CHEK1: variants seen among roughly 807,000 people sequenced by gnomAD.
The protein encoded by CHEK1 is serine/threonine-protein kinase Chk1.
In CHEK1, 32 loss-of-function variants were observed where a neutral mutation model predicts 60.2. That is an observed-to-expected ratio of 0.53 (90% CI 0.40 to 0.71). The LOEUF is 0.71. Ranked by LOEUF, CHEK1 falls within the 30% of genes least tolerant of loss-of-function variation. CHEK1 has a pLI of 0.00. For missense variants in CHEK1, 399 were observed against 564.6 expected, an observed-to-expected ratio of 0.71 and a Z score of 2.97; for synonymous variants, 179 against 187.2, an observed-to-expected ratio of 0.96 and a Z score of 0.36.
At chr11:125,680,705 C>T, downstream of CHEK1, 5 of 1,607,944 alleles carry the variant, frequency 3.1e-6, no homozygotes, top group Non-Finnish European at 4.3e-6. Flanking sequence ...TTGTATTTAC[C>T]TGAAGCCTAG....
chr11:125,641,842 T>C (rs1033418493), intron 8 of CHEK1, among the ~76,000 whole-genome samples: 72 of 152,234 alleles, frequency 4.7e-4, no homozygotes, highest in African/African-American at 1.7e-3. Flanking sequence ...TACCATGATA[T>C]CTTTCCAAAA....
At chr11:125,661,628 A>T (rs1186307268), downstream of CHEK1, among the ~76,000 whole-genome samples, 3 of 151,966 alleles carry the variant, frequency 2.0e-5, no homozygotes, top group South Asian at 2.1e-4. Flanking sequence ...AGTATTTTTT[A>T]AAAATCACTG....
chr11:125,659,288 T>C (rs1941972464), downstream of CHEK1, among the ~76,000 whole-genome samples: 1 of 152,182 alleles, frequency 6.6e-6, no homozygotes. Context: ...TCCCTTTTTT[T>C]TCTCTTGCAG....
At chr11:125,663,613 T>C (rs1942053569) in intron 13 of CHEK1, among the ~76,000 whole-genome samples, 2 of 152,172 alleles carry the variant, frequency 1.3e-5, no homozygotes, top group South Asian at 4.1e-4. Context: ...TTTCCATAGA[T>C]TGTCTCTTTA....
chr11:125,632,628 AT>A (rs375595038), intron 5 of CHEK1, among the ~76,000 whole-genome samples: 11 of 149,344 alleles, frequency 7.4e-5, no homozygotes, highest in Non-Finnish European at 1.2e-4. Flanking sequence ...GTCTTCTGAT[AT>A]TTTTTTTTTG....
rs867555391 is a variant in CHEK1 at position 125,656,267 on chromosome 11, C to T, written c.*947C>T. ...TTAGGAGGCTGAGAGAGGAGGATCG[C>T]GTGAACCTGGAAGTTTGAGGCTGTA... On this transcript the variant is annotated 3_prime_UTR_variant, in exon 13 of 13. Transcript: ENST00000438015. 8.8e-4 allele frequency: 188 copies of T among 213,300 alleles called. No homozygotes were observed. The highest frequency in any genetic ancestry group is 3.0e-3 in the Middle Eastern group (2 of 668). 13.2% of individuals were successfully genotyped at this position (213,300 alleles called of 1,614,324 possible).
chr11:125,637,372 A>G (rs1370729950), intron 7 of CHEK1, 77 bp from the exon 8 acceptor site: 2 of 1,093,684 alleles, frequency 1.8e-6, no homozygotes, highest in East Asian at 5.1e-5. Flanking sequence ...GCTAACAGAA[A>G]ATGTGTTTCT....
intron 13 of CHEK1, among the ~76,000 whole-genome samples, chr11:125,662,471 A>G (rs1942034888): frequency 6.6e-6 from 1 of 152,236 alleles, no homozygotes; most frequent in East Asian, 1.9e-4. Flanking sequence ...TTCAGACTAC[A>G]GCGGTTACAT....
rs755422833 is a variant in CHEK1, at chr11:125,637,420, G to A, written c.719-29G>A. 39 of 1,567,844 alleles carry A rather than the reference G, an allele frequency of 2.5e-5. 1 individual carries two copies. The highest frequency in any genetic ancestry group is 1.9e-4 in the African/African-American group (14 of 73,126). On this transcript the variant is annotated intron_variant, in intron 7 of 12. Transcript: ENST00000438015. ...TAGGCTTCTCTAACATGATTCTTTCGTGAATGTTGTCGTAATGTTTGTTTT... is the reference window on the plus strand; with the variant it reads ...TAGGCTTCTCTAACATGATTCTTTCATGAATGTTGTCGTAATGTTTGTTTT...
At chr11:125,649,843 G>C (rs1941642594) in intron 11 of CHEK1, 1 of 151,906 alleles carries the variant, frequency 6.6e-6, no homozygotes, top group Non-Finnish European at 1.5e-5. Context: ...AGGTAGTTTT[G>C]CTGGATATAG....
downstream of CHEK1, among the ~76,000 whole-genome samples, chr11:125,678,725 T>C (rs1196474744): frequency 1.3e-5 from 2 of 151,752 alleles, no homozygotes; most frequent in African/African-American, 2.4e-5. Flanking sequence ...AGAGTAGAGA[T>C]AGAAGAGGGA....
Position 125,635,440 on chromosome 11 carries a change from G to A in CHEK1, c.625G>A (p.Asp209Asn). The change falls in exon 7 of 13, where the codon GAC (aspartate) becomes AAC (asparagine). Residue 209 changes from aspartate (D) to asparagine (N), a missense_variant. By Grantham distance (23) the Asp-to-Asn change is conservative. Coordinates refer to ENST00000438015, the MANE Select transcript of CHEK1 (RefSeq NM_001114122.3). Reference protein sequence around the residue: ...TAMLAGELPWDQPSDSCQEYS... With the variant: ...TAMLAGELPWNQPSDSCQEYS... The stretch of plus-strand genomic sequence containing the variant: ...TGCTTTGTTTTTAGAATTGCCATGG[G>A]ACCAACCCAGTGACAGCTGTCAGGA... 6.3e-7 allele frequency: 1 copy of A among 1,587,810 alleles called. No individual in the cohort carries two copies.
At chr11:125,645,750 C>T (rs2136034289) in intron 11 of CHEK1, among the ~76,000 whole-genome samples, 1 of 152,160 alleles carries the variant, frequency 6.6e-6, no homozygotes, top group East Asian at 1.9e-4. Context: ...AAATAAAGGG[C>T]AAACAACTAC....
intron 5 of CHEK1, among the ~76,000 whole-genome samples, chr11:125,629,744 T>TA (rs1428875621): frequency 1.3e-5 from 2 of 150,760 alleles, no homozygotes; most frequent in East Asian, 3.9e-4. Flanking sequence ...TTTTTTTTGA[T>TA]ACAGGCTCAC....
downstream of CHEK1, among the ~76,000 whole-genome samples, chr11:125,660,049 C>T (rs954112952): frequency 2.0e-5 from 3 of 152,038 alleles, no homozygotes; most frequent in South Asian, 2.1e-4. Flanking sequence ...GAATAATTTT[C>T]GTGTGCGTGT....
At chr11:125,674,584 C>A (rs1942392578) in intron 13 of CHEK1, among the ~76,000 whole-genome samples, 2 of 152,130 alleles carry the variant, frequency 1.3e-5, no homozygotes, top group African/African-American at 4.8e-5. Flanking sequence ...CTCCTATTAC[C>A]TTTTACTGAA....
At chr11:125,670,000 A>G (rs1763333228) in intron 13 of CHEK1, among the ~76,000 whole-genome samples, 1 of 152,156 alleles carries the variant, frequency 6.6e-6, no homozygotes, top group Non-Finnish European at 1.5e-5. Context: ...ATTATTTGTT[A>G]TGTTCCACAG....
chr11:125,653,232 T>G lies in CHEK1; in HGVS notation c.1234-514T>G, dbSNP rs1248559742. Among the ~76,000 whole-genome samples the G allele has an allele frequency of 1.3e-5, 2 of 152,214 alleles. No individual in the cohort carries two copies. Among genetic ancestry groups the G allele is most frequent in the African/African-American group, 4.8e-5 (2 of 41,468 alleles). ...TGCTTGGCTTTTTGTTTTGTTTTTT[T>G]GAGACAGGGTCTCGCTCTGTCGCCC... On this transcript the variant is annotated intron_variant, in intron 11 of 12. Transcript: ENST00000438015. This position sits in a 1 kb window ranked among gnomAD's most constrained non-coding sequence, Gnocchi z 4.3.
chr11:125,677,698 TC>T (rs1343870899), downstream of CHEK1: 2 of 1,492,656 alleles, frequency 1.3e-6, no homozygotes, highest in Non-Finnish European at 1.8e-6. Flanking sequence ...TGTTAACAAT[TC>T]TTTCTTCTGC....
Sources: allele counts gnomAD v4.1 joint callset (sites outside exome capture counted in the v4.1 genomes callset), GRCh38; gene constraint gnomAD v4.1.1; non-coding constraint Gnocchi (gnomAD v3.1); transcripts MANE v1.5; gene names NCBI Gene and HGNC (gene_info 2026-07-23, HGNC 2026-07-21).